Variants in TYW1B observed in about 807,000 individuals in gnomAD.
TYW1B encodes S-adenosyl-L-methionine-dependent tRNA 4-demethylwyosine synthase TYW1B.
Under a neutral mutation model 86.9 loss-of-function variants are expected in TYW1B, and 73 were observed. That is an observed-to-expected ratio of 0.84 (90% CI 0.70 to 1.02). The LOEUF (loss-of-function observed/expected upper bound fraction) is 1.02, where lower values mean the gene tolerates loss of function less well. Among genes scored for constraint, TYW1B ranks in the 50% least tolerant of loss-of-function variants. The probability of loss-of-function intolerance (pLI) is 0.00; values close to 1 mark genes in which losing one functional copy is unlikely to be tolerated. For missense variants in TYW1B, 637 were observed against 827.4 expected (o/e 0.77, Z 2.82); for synonymous variants, 248 against 292.8 (o/e 0.85, Z 1.56).
intron 9 of TYW1B, among the ~76,000 whole-genome samples, chr7:72,726,265 C>T (rs1205958702): frequency 2.7e-5 from 4 of 150,632 alleles, no homozygotes; most frequent in Admixed American, 2.0e-4. Context: ...TGTAAATGTA[C>T]AAAAAAAAGT....
At chr7:72,614,849 A>G (rs1335489420) in intron 13 of TYW1B, among the ~76,000 whole-genome samples, 4 of 152,236 alleles carry the variant, frequency 2.6e-5, no homozygotes, top group African/African-American at 9.6e-5. Flanking sequence ...CTATGTTAAC[A>G]AAGTGTTTCA....
intron 11 of TYW1B, among the ~76,000 whole-genome samples, chr7:72,655,497 C>G (rs1393058541): frequency 2.0e-5 from 3 of 152,168 alleles, no homozygotes; most frequent in African/African-American, 7.2e-5. Flanking sequence ...TGGAGCCCTG[C>G]TGGCATCCCC....
chr7:72,682,002 C>T (rs562508783), intron 11 of TYW1B, among the ~76,000 whole-genome samples: 198 of 152,016 alleles, frequency 1.3e-3, no homozygotes, highest in African/African-American at 4.4e-3. Flanking sequence ...CTCAGCCTCC[C>T]GAGTAGCTGG....
intron 7 of TYW1B, among the ~76,000 whole-genome samples, chr7:72,760,791 T>C (rs1179469547): frequency 1.3e-5 from 2 of 152,216 alleles, no homozygotes; most frequent in East Asian, 3.8e-4. Flanking sequence ...TATTTGTCTC[T>C]ACTAGACATT....
chr7:72,675,711 CT>C (rs2129569805), intron 11 of TYW1B, among the ~76,000 whole-genome samples: 1 of 151,528 alleles, frequency 6.6e-6, no homozygotes, highest in African/African-American at 2.4e-5. Context: ...TCAGCTAACA[CT>C]TTAAATGTCA....
At chr7:72,592,766 T>C (rs1348146031) in intron 13 of TYW1B, among the ~76,000 whole-genome samples, 1 of 151,910 alleles carries the variant, frequency 6.6e-6, no homozygotes, top group Non-Finnish European at 1.5e-5. Context: ...TCAAAGAAAA[T>C]ACGACTTTGA....
rs1328471948 is a variant in TYW1B, at chr7:72,763,282, C to CTT, written c.964+14132_964+14133dup. ...AAGGTTTTGTTTTTTCTTTTCTTTT[C>CTT]TTTTTTTTTTTTTTTTTGAGATGGA... On this transcript the variant is annotated intron_variant, in intron 7 of 13. Transcript: ENST00000620995. 7.1e-3 allele frequency among the ~76,000 whole-genome samples: 834 copies of CTT among 118,262 alleles called. 5 individuals carry two copies. Among genetic ancestry groups the CTT allele is most frequent in the Non-Finnish European group, 0.012 (702 of 60,482 alleles). 77.6% of individuals were successfully genotyped at this position (118,262 alleles called of 152,430 possible).
chr7:72,602,870 A>G (rs1554434046), intron 13 of TYW1B, among the ~76,000 whole-genome samples: 1 of 151,504 alleles, frequency 6.6e-6, no homozygotes. Flanking sequence ...ACACACACAC[A>G]CACACACACA....
intron 7 of TYW1B, among the ~76,000 whole-genome samples, chr7:72,765,558 T>C (rs13309785): frequency 2.0e-5 from 3 of 152,108 alleles, no homozygotes; most frequent in African/African-American, 7.2e-5. Context: ...CTCTACCTCC[T>C]AGGTTCAAAT....
intron 11 of TYW1B, among the ~76,000 whole-genome samples, chr7:72,660,157 C>G (rs1554444257): frequency 6.6e-6 from 1 of 152,024 alleles, no homozygotes; most frequent in African/African-American, 2.4e-5. Flanking sequence ...ATCACATGAG[C>G]CAGGAGTTCG....
intron 6 of TYW1B, among the ~76,000 whole-genome samples, chr7:72,800,330 T>A (rs1788383065): frequency 6.6e-6 from 1 of 152,150 alleles, no homozygotes; most frequent in South Asian, 2.1e-4. Context: ...CCCAAGCAGT[T>A]GTGACTACGG....
At chr7:72,711,229 C>G (rs1554454697) in intron 10 of TYW1B, among the ~76,000 whole-genome samples, 1 of 152,142 alleles carries the variant, frequency 6.6e-6, no homozygotes, top group East Asian at 1.9e-4. Context: ...CGGGGCTATG[C>G]CTGCCGCGCA....
intron 10 of TYW1B, among the ~76,000 whole-genome samples, chr7:72,699,234 A>C (rs1814398091): frequency 6.6e-6 from 1 of 152,224 alleles, no homozygotes; most frequent in South Asian, 2.1e-4. Flanking sequence ...ATGTCCAAAG[A>C]AGAAATGCAA....
Position 72,620,401 on chromosome 7 carries a change from CAAAACAAAACA to C in TYW1B, c.1618-3573_1618-3563del, listed in dbSNP as rs1311963203. ...AACAGAGCAAGACTCTGTCTCAAAA[CAAAACAAAACA>C]AAAACCAAACAACAACAACAAAACC... On this transcript the variant is annotated intron_variant, in intron 12 of 13. Transcript: ENST00000620995. Among the ~76,000 whole-genome samples, 7 of 152,164 alleles carry C rather than the reference CAAAACAAAACA, an allele frequency of 4.6e-5. No homozygotes were observed. In the East Asian group the frequency reaches 9.7e-4, roughly 21 times the overall value.
intron 6 of TYW1B, among the ~76,000 whole-genome samples, chr7:72,792,844 G>A (rs1166685260): frequency 6.6e-6 from 1 of 152,138 alleles, no homozygotes; most frequent in Admixed American, 6.5e-5. Context: ...GCAGTCTGTA[G>A]ACCAGGAGTA....
At chr7:72,767,078 G>T (rs1787783256) in intron 7 of TYW1B, among the ~76,000 whole-genome samples, 1 of 152,074 alleles carries the variant, frequency 6.6e-6, no homozygotes, top group Non-Finnish European at 1.5e-5. Flanking sequence ...AGACCATGAG[G>T]AGAGTTATCT....
At chr7:72,736,861 T>C (rs1249243825) in intron 8 of TYW1B, among the ~76,000 whole-genome samples, 3 of 152,196 alleles carry the variant, frequency 2.0e-5, no homozygotes. Flanking sequence ...CCACATGTTG[T>C]TTCTCTGTTC....
chr7:72,599,065 A>C (rs1811597767), intron 13 of TYW1B, among the ~76,000 whole-genome samples: 1 of 152,224 alleles, frequency 6.6e-6, no homozygotes, highest in African/African-American at 2.4e-5. Flanking sequence ...CTGATACCAA[A>C]ATGAGATAAA....
chr7:72,601,831 A>G (rs1395509652), intron 13 of TYW1B, among the ~76,000 whole-genome samples: 1 of 152,054 alleles, frequency 6.6e-6, no homozygotes, highest in African/African-American at 2.4e-5. Context: ...CCATTATATG[A>G]CCTTTGGAAA....
Sources: gnomAD v4.1 joint callset for allele counts (sites outside exome capture counted in the v4.1 genomes callset) on GRCh38, gnomAD v4.1.1 for gene constraint, MANE v1.5 for transcripts, NCBI Gene and HGNC (gene_info 2026-07-23, HGNC 2026-07-21) for gene names.